The following CDH20 variants were observed in gnomAD, a reference collection of about 807,000 sequenced individuals.
The protein encoded by CDH20 is cadherin-20.
Under a neutral mutation model 74.2 loss-of-function variants are expected in CDH20, and 29 were observed. The ratio of observed to expected loss-of-function variants is 0.39; its 90% CI spans 0.29 to 0.53. The LOEUF (loss-of-function observed/expected upper bound fraction) is 0.53. Among genes scored for constraint, CDH20 ranks in the 20% least tolerant of loss-of-function variants. The pLI is 0.69. For missense variants in CDH20, 988 were observed against 1,048.3 expected (o/e 0.94, Z 0.79); for synonymous variants, 469 against 405.4 (o/e 1.16, Z -1.88).
chr18:61,400,639 G>A (rs1046964422), intron 1 of CDH20, among the ~76,000 whole-genome samples: 7 of 152,132 alleles, frequency 4.6e-5, no homozygotes, highest in East Asian at 1.9e-4. Flanking sequence ...TAGCTGTGTC[G>A]AAAGTGCTTC....
At chr18:61,402,920 T>G (rs1189928791) in intron 1 of CDH20, among the ~76,000 whole-genome samples, 2 of 152,192 alleles carry the variant, frequency 1.3e-5, no homozygotes, top group Non-Finnish European at 2.9e-5. Context: ...ATCTGCAGAT[T>G]TATGCAGCTT....
intron 1 of CDH20, among the ~76,000 whole-genome samples, chr18:61,417,578 T>TCAAAAAAA (rs1912728556): frequency 1.6e-5 from 1 of 62,364 alleles, no homozygotes; most frequent in Non-Finnish European, 2.7e-5. Flanking sequence ...ATGTGGGAGC[T>TCAAAAAAA]AAAAAAAAAA....
intron 1 of CDH20, among the ~76,000 whole-genome samples, chr18:61,367,384 TG>T (rs1201803548): frequency 2.0e-5 from 3 of 152,196 alleles, no homozygotes; most frequent in Admixed American, 1.3e-4. Context: ...TTTTCTATGG[TG>T]GCTGTAACAA....
intron 1 of CDH20, among the ~76,000 whole-genome samples, chr18:61,447,323 T>C (rs1310096452): frequency 1.3e-5 from 2 of 152,202 alleles, no homozygotes; most frequent in African/African-American, 4.8e-5. Context: ...TTCACAATAC[T>C]GGAGGCATTA....
intron 1 of CDH20, among the ~76,000 whole-genome samples, chr18:61,400,599 C>T (rs1440429665): frequency 6.6e-6 from 1 of 152,186 alleles, no homozygotes; most frequent in Non-Finnish European, 1.5e-5. Flanking sequence ...GGAACACAAC[C>T]TCTACCCTCC....
chr18:61,538,602 G>GTTTTTTTTTTTTTTTTTTTT lies in CDH20; in HGVS notation c.1409-417_1409-416insTTTTTTTTTTTTTTTTTTTT, dbSNP rs1227502362. 4.0e-5 allele frequency among the ~76,000 whole-genome samples: 2 copies of GTTTTTTTTTTTTTTTTTTTT among 50,448 alleles called. 1 individual carries two copies. The allele number at this position is 50,448 out of a possible 152,430, so 33.1% of individuals were successfully genotyped here. ...ACTTTTTGTTTGTTTGTTTGTTTTT[G>GTTTTTTTTTTTTTTTTTTTT]TTTTTGTTTTTGTTTTTGTTTTGTT... On this transcript the variant is annotated intron_variant, in intron 8 of 11. Coordinates refer to ENST00000262717, the MANE Select transcript of CDH20 (RefSeq NM_031891.4).
chr18:61,474,770 T>C (rs1321201746), intron 1 of CDH20, among the ~76,000 whole-genome samples: 1 of 152,148 alleles, frequency 6.6e-6, no homozygotes, highest in East Asian at 1.9e-4. Context: ...CCATGTGGGC[T>C]GTGCTGGCAT....
intron 8 of CDH20, among the ~76,000 whole-genome samples, chr18:61,537,840 T>A (rs72995647): frequency 0.23 from 34,849 of 152,048 alleles, 4,072 homozygotes; most frequent in Non-Finnish European, 0.25. Flanking sequence ...AGAGCATAAT[T>A]TTTTGGGAAA....
intron 1 of CDH20, among the ~76,000 whole-genome samples, chr18:61,362,916 T>G (rs1308437697): frequency 6.6e-6 from 1 of 152,148 alleles, no homozygotes; most frequent in African/African-American, 2.4e-5. Flanking sequence ...AATGATGAAA[T>G]GCATTAGGAG....
intron 1 of CDH20, among the ~76,000 whole-genome samples, chr18:61,489,526 A>T (rs1910881839): frequency 6.6e-6 from 1 of 151,552 alleles, no homozygotes; most frequent in African/African-American, 2.4e-5. Context: ...ATAGCCCAGA[A>T]GTGAGGTCAC....
chr18:61,348,536 C>A (rs943343636), intron 1 of CDH20, among the ~76,000 whole-genome samples: 8 of 152,308 alleles, frequency 5.3e-5, no homozygotes, highest in African/African-American at 1.9e-4. Context: ...TGGTGGGGCA[C>A]ATGGATACCA....
At chr18:61,516,259 G>T (rs1468620559) in intron 6 of CDH20, among the ~76,000 whole-genome samples, 1 of 152,152 alleles carries the variant, frequency 6.6e-6, no homozygotes, top group African/African-American at 2.4e-5. Flanking sequence ...GAAACTTTTT[G>T]CACTGTTCAA....
chr18:61,492,656 C>G (rs987319254), intron 2 of CDH20, among the ~76,000 whole-genome samples: 9 of 152,180 alleles, frequency 5.9e-5, no homozygotes, highest in Admixed American at 2.6e-4. Flanking sequence ...CTTTACTGCT[C>G]CCCCATAATG....
intron 1 of CDH20, among the ~76,000 whole-genome samples, chr18:61,336,801 A>G (rs1909775409): frequency 9.1e-6 from 1 of 110,332 alleles, no homozygotes; most frequent in Non-Finnish European, 1.9e-5. Flanking sequence ...CGAGAACATA[A>G]ATCAGCCAGA....
intron 1 of CDH20, among the ~76,000 whole-genome samples, chr18:61,437,740 A>C (rs1270410349): frequency 6.6e-6 from 1 of 152,150 alleles, no homozygotes; most frequent in Non-Finnish European, 1.5e-5. Flanking sequence ...CAGTTCGTGT[A>C]TAAAATGAGA....
intron 1 of CDH20, among the ~76,000 whole-genome samples, chr18:61,382,504 G>C (rs1162802214): frequency 6.6e-6 from 1 of 152,156 alleles, no homozygotes; most frequent in Non-Finnish European, 1.5e-5. Flanking sequence ...CACTTTGGGA[G>C]CTGTCCAGGG....
At chr18:61,489,582 A>G (rs1427512265) in intron 1 of CDH20, among the ~76,000 whole-genome samples, 1 of 151,772 alleles carries the variant, frequency 6.6e-6, no homozygotes, top group Non-Finnish European at 1.5e-5. Context: ...TGACTGATAA[A>G]GATGTGTCCC....
intron 6 of CDH20, among the ~76,000 whole-genome samples, chr18:61,523,125 C>A (rs975032488): frequency 2.0e-4 from 31 of 151,404 alleles, no homozygotes; most frequent in African/African-American, 7.3e-4. Flanking sequence ...ATTCAACAGG[C>A]AACCTACATA....
At chr18:61,506,619 C>T (rs1274233635) in intron 5 of CDH20, among the ~76,000 whole-genome samples, 2 of 152,144 alleles carry the variant, frequency 1.3e-5, no homozygotes, top group East Asian at 1.9e-4. Flanking sequence ...GGTAAAAATA[C>T]GAATTCATGG....
Sources: allele counts gnomAD v4.1 joint callset (sites outside exome capture counted in the v4.1 genomes callset), GRCh38; gene constraint gnomAD v4.1.1; transcripts MANE v1.5; gene names NCBI Gene and HGNC (gene_info 2026-07-23, HGNC 2026-07-21).